EIPR1: variants seen among roughly 807,000 people sequenced by gnomAD.
EIPR1 encodes EARP and GARP complex-interacting protein 1.
Under a neutral mutation model 48.1 loss-of-function variants are expected in EIPR1, and 25 were observed. The observed-to-expected ratio is 0.52, with a 90% CI of 0.38 to 0.73. EIPR1 has a LOEUF of 0.73. EIPR1 is among the 30% of genes least tolerant of loss of function. The pLI is 0.00. For missense variants in EIPR1, 415 were observed against 506.2 expected, an observed-to-expected ratio of 0.82 and a Z score of 1.73; for synonymous variants, 204 against 201.9, an observed-to-expected ratio of 1.01 and a Z score of -0.09.
chr2:3,305,873 CCTTT>C (rs1326247601), intron 3 of EIPR1, among the ~76,000 whole-genome samples: 1 of 152,166 alleles, frequency 6.6e-6, no homozygotes, highest in Non-Finnish European at 1.5e-5. Context: ...GCTCTGTTCT[CCTTT>C]CTTTCCTATT....
intron 1 of EIPR1, among the ~76,000 whole-genome samples, chr2:3,368,213 C>T (rs778901221): frequency 2.6e-5 from 4 of 152,182 alleles, no homozygotes; most frequent in Non-Finnish European, 5.9e-5. Context: ...CCTGACTGCA[C>T]TGATCTCAGG....
intron 3 of EIPR1, among the ~76,000 whole-genome samples, chr2:3,269,076 T>C (rs4531960): frequency 0.68 from 104,069 of 152,024 alleles, 35,988 homozygotes; most frequent in East Asian, 0.81. Context: ...CCGGACACAG[T>C]TCCTGGCTTC....
In EIPR1 at chr2:3,189,548, G is replaced by A. The variant is rs770991320; in HGVS notation, c.990-40C>T. ...AGGCAGACGTGAGCGCAGCAGCTCC[G>A]GCGGGGCGGGCAGGAGAGGGGCAGG... On this transcript the variant is annotated intron_variant, in intron 8 of 8. Coordinates refer to ENST00000382125, the MANE Select transcript of EIPR1 (RefSeq NM_003310.5). The surrounding 1 kb of genome is among the most constrained non-coding windows in gnomAD (Gnocchi z 4.6). 6.0e-6 allele frequency: 9 copies of A among 1,492,070 alleles called. No homozygotes were observed. Among genetic ancestry groups the A allele is most frequent in the Non-Finnish European group, 8.1e-6 (9 of 1,105,448 alleles). The allele number at this position is 1,492,070 out of a possible 1,614,324, so 92.4% of individuals were successfully genotyped here. A position where few individuals can be genotyped will look rare whatever the true frequency, so the allele number is the denominator to read the frequency against.
intron 3 of EIPR1, among the ~76,000 whole-genome samples, chr2:3,325,433 G>A (rs558542980): frequency 6.6e-6 from 1 of 152,336 alleles, no homozygotes; most frequent in Non-Finnish European, 1.5e-5. Flanking sequence ...TTTGGCAAAG[G>A]AAAGTCAAGA....
In EIPR1 at chr2:3,277,212, A is replaced by ACCTGTCTCCACCCACG. The variant is rs1558267878; in HGVS notation, c.260-19758_260-19757insCGTGGGTGGAGACAGG. Among the ~76,000 whole-genome samples, 91 of 140,384 alleles carry ACCTGTCTCCACCCACG rather than the reference A, an allele frequency of 6.5e-4. 2 individuals are homozygous for ACCTGTCTCCACCCACG. The highest frequency in any genetic ancestry group is 3.5e-3 in the Middle Eastern group (1 of 284). The allele number at this position is 140,384 out of a possible 152,430, so 92.1% of individuals were successfully genotyped here. A position where few individuals can be genotyped will look rare whatever the true frequency, so the allele number is the denominator to read the frequency against. On this transcript the variant is annotated intron_variant, in intron 3 of 8. Coordinates refer to ENST00000382125, the MANE Select transcript of EIPR1 (RefSeq NM_003310.5). ...CGGCCCCACACCTGTCTCCACCCACACGGCCCCGCACCTGTCTCCACCCAC... is the reference window on the plus strand; with the variant it reads ...CGGCCCCACACCTGTCTCCACCCACACCTGTCTCCACCCACGCGGCCCCGCACCTGTCTCCACCCAC...
At chr2:3,371,970 A>C (rs1178181505) in intron 1 of EIPR1, among the ~76,000 whole-genome samples, 2 of 152,164 alleles carry the variant, frequency 1.3e-5, no homozygotes, top group South Asian at 4.1e-4. Context: ...AAAATTGACC[A>C]CATAGTTGGA....
intron 3 of EIPR1, among the ~76,000 whole-genome samples, chr2:3,330,440 G>A (rs1004562078): frequency 2.0e-5 from 3 of 152,184 alleles, no homozygotes; most frequent in Non-Finnish European, 4.4e-5. Context: ...TCTGTTGATT[G>A]AGAGGCCACC....
intron 3 of EIPR1, among the ~76,000 whole-genome samples, chr2:3,277,207 C>T (rs1667875660): frequency 6.6e-6 from 1 of 150,666 alleles, no homozygotes; most frequent in African/African-American, 2.5e-5. Context: ...CCTGTCTCCA[C>T]CCACACGGCC....
In EIPR1 at chr2:3,214,302, T is replaced by TCA. The variant is rs1665555525; in HGVS notation, c.417-55_417-54insTG. Reference sequence around the variant, plus strand: ...ACATAAACATTTGAGATACCCAGGCTGGTAGGTAAGAGCTGTGATACATGT... The same window carrying TCA: ...ACATAAACATTTGAGATACCCAGGCTCAGGTAGGTAAGAGCTGTGATACATGT... On this transcript the variant is annotated intron_variant, in intron 4 of 8. Coordinates refer to ENST00000382125, the MANE Select transcript of EIPR1 (RefSeq NM_003310.5). The TCA allele has an allele frequency of 2.0e-6, 3 of 1,537,910 alleles. No individual in the cohort carries two copies. In the African/African-American group the frequency reaches 4.1e-5, roughly 21 times the overall value.
chr2:3,287,348 C>CAA (rs1668224754), intron 3 of EIPR1, among the ~76,000 whole-genome samples: 4 of 151,726 alleles, frequency 2.6e-5, no homozygotes, highest in Non-Finnish European at 5.9e-5. Context: ...GTTCACTGCG[C>CAA]TCCAGAAAGC....
rs572912144 is a variant in EIPR1 at position 3,312,418 on chromosome 2, G to A, written c.259+25599C>T. Among the ~76,000 whole-genome samples the A allele has an allele frequency of 8.5e-5, 13 of 152,276 alleles. No homozygotes were observed. The highest frequency in any genetic ancestry group is 3.1e-4 in the African/African-American group (13 of 41,566). On this transcript the variant is annotated intron_variant, in intron 3 of 8. Coordinates refer to ENST00000382125, the MANE Select transcript of EIPR1 (RefSeq NM_003310.5). The surrounding 1 kb of genome is among the most constrained non-coding windows in gnomAD (Gnocchi z 5.5). Reference sequence around the variant, plus strand: ...TGCCTGCTGTGGGGATGAGACTCACGTCTGAGGGGCAAAGTTCATTTTTCA... The same window carrying A: ...TGCCTGCTGTGGGGATGAGACTCACATCTGAGGGGCAAAGTTCATTTTTCA...
chr2:3,208,798 GTCC>G lies in EIPR1; in HGVS notation c.516+5348_516+5350del, dbSNP rs1159369542. 2.9e-5 allele frequency: 45 copies of G among 1,548,814 alleles called. No individual in the cohort carries two copies. The African/African-American group carries it at 5.9e-4, about 20-fold the overall frequency. ...CTTCCTTGAGTGAGGCTCGTGGCAG[GTCC>G]TCCTTCTGTGAGTGAGGCCCGTGGC... On this transcript the variant is annotated intron_variant, in intron 5 of 8. Transcript: ENST00000382125.
intron 4 of EIPR1, among the ~76,000 whole-genome samples, chr2:3,246,835 A>G (rs1334030682): frequency 0.09 from 828 of 9,204 alleles, 7 homozygotes; most frequent in African/African-American, 0.12. Context: ...AAGGGAGGGA[A>G]GGAGGAAGGG....
At chr2:3,285,315 T>TCCCACCCC (rs1553294555) in intron 3 of EIPR1, among the ~76,000 whole-genome samples, 11 of 74,410 alleles carry the variant, frequency 1.5e-4, no homozygotes, top group Non-Finnish European at 3.1e-4. Context: ...GCCAACACCC[T>TCCCACCCC]CCCACCCCCC....
chr2:3,226,980 C>A (rs920948365), intron 4 of EIPR1, among the ~76,000 whole-genome samples: 2 of 152,190 alleles, frequency 1.3e-5, no homozygotes, highest in African/African-American at 2.4e-5. Context: ...GTCCATTGAA[C>A]CTCTTTTTCT....
intron 5 of EIPR1, among the ~76,000 whole-genome samples, chr2:3,213,847 A>AT (rs1261684303): frequency 6.6e-6 from 1 of 152,106 alleles, no homozygotes; most frequent in African/African-American, 2.4e-5. Context: ...CCATTTATTA[A>AT]TTTTTTTATT....
chr2:3,326,377 C>T (rs1481732552), intron 3 of EIPR1, among the ~76,000 whole-genome samples: 23 of 152,160 alleles, frequency 1.5e-4, no homozygotes, highest in Admixed American at 1.5e-3. Context: ...GGTTTTCCAG[C>T]CACCAAATCT....
chr2:3,247,490 A>G (rs1666869819), intron 4 of EIPR1, among the ~76,000 whole-genome samples: 1 of 152,236 alleles, frequency 6.6e-6, no homozygotes, highest in African/African-American at 2.4e-5. Context: ...GCAAGCCGAC[A>G]CAAGAGAACA....
At chr2:3,263,308 A>G (rs985592562) in intron 3 of EIPR1, among the ~76,000 whole-genome samples, 1 of 152,174 alleles carries the variant, frequency 6.6e-6, no homozygotes, top group Admixed American at 6.5e-5. Context: ...CTGGAAGTAA[A>G]AAGACTGAGA....
Sources: gnomAD v4.1 joint callset for allele counts (sites outside exome capture counted in the v4.1 genomes callset) on GRCh38, gnomAD v4.1.1 for gene constraint, Gnocchi (gnomAD v3.1) non-coding constraint, MANE v1.5 for transcripts, NCBI Gene and HGNC (gene_info 2026-07-23, HGNC 2026-07-21) for gene names.